PCDHA10: variants seen among roughly 807,000 people sequenced by gnomAD.
The protein encoded by PCDHA10 is protocadherin alpha-10.
A neutral mutation model predicts 61.2 loss-of-function variants in PCDHA10; 45 were observed. The observed-to-expected ratio is 0.74, with a 90% confidence interval of 0.58 to 0.94. The LOEUF is 0.94. Among genes scored for constraint, PCDHA10 ranks in the 40% least tolerant of loss-of-function variants. PCDHA10 has a pLI of 0.00. For missense variants in PCDHA10, 1,278 were observed against 1,236.2 expected (o/e 1.03, Z -0.51); for synonymous variants, 602 against 548.8 (o/e 1.10, Z -1.35).
At chr5:140,875,875 G>T in intron 1 of PCDHA10, 1 of 1,614,232 alleles carries the variant, frequency 6.2e-7, no homozygotes, top group South Asian at 1.1e-5. Flanking sequence ...GGTGTTCAGA[G>T]AAAGGGAACA....
At chr5:141,003,962 C>G (rs2098144287) in intron 3 of PCDHA10, among the ~76,000 whole-genome samples, 1 of 152,098 alleles carries the variant, frequency 6.6e-6, no homozygotes, top group Non-Finnish European at 1.5e-5. Context: ...ACCCTGGGAG[C>G]ATAAGGGAGG....
chr5:140,883,564 G>C, intron 1 of PCDHA10: 1 of 1,614,174 alleles, frequency 6.2e-7, no homozygotes, highest in Non-Finnish European at 8.5e-7. Context: ...ACGGGGGCTC[G>C]CCTTCGCTGT....
intron 1 of PCDHA10, among the ~76,000 whole-genome samples, chr5:140,887,340 CCT>C (rs1554183026): frequency 1.3e-5 from 2 of 152,144 alleles, no homozygotes; most frequent in African/African-American, 4.8e-5. Flanking sequence ...TCGTGATCCA[CCT>C]GGCTCGGCCT....
At chr5:140,921,071 T>C (rs2080004942) in intron 1 of PCDHA10, among the ~76,000 whole-genome samples, 1 of 152,054 alleles carries the variant, frequency 6.6e-6, no homozygotes, top group Admixed American at 6.6e-5. Flanking sequence ...CCTTGAACTC[T>C]TGGGCTCAAG....
At chr5:140,882,839 T>C (rs1554175751) in intron 1 of PCDHA10, 1 of 1,614,218 alleles carries the variant, frequency 6.2e-7, no homozygotes, top group South Asian at 1.1e-5. Flanking sequence ...GCAAATGTCT[T>C]CATTATCACT....
chr5:140,857,665 G>C lies in PCDHA10; in HGVS notation c.1617G>C (p.Gly539=). The C allele has an allele frequency of 6.3e-7, 1 of 1,596,910 alleles. No individual in the cohort carries two copies. Among genetic ancestry groups the C allele is most frequent in the East Asian group, 2.2e-5 (1 of 44,814 alleles). ...LLQFQVSARD[G]GVPPLGSNLT... is the part of the protein sequence containing the mutation. ...AGTTCCAGGTGAGCGCGCGCGATGG[G>C]GGCGTGCCGCCTCTGGGCAGCAACT... The change falls in exon 1 of 4, where the codon GGG becomes GGC. Residue 539 remains glycine (G), a synonymous_variant. Transcript: ENST00000307360.
At position 140,876,889 on chromosome 5, in the gene PCDHA10, C is replaced by G. The variant is rs1409299527; in HGVS notation, c.2388+18453C>G. On this transcript the variant is annotated intron_variant, in intron 1 of 3. Coordinates refer to ENST00000307360, the MANE Select transcript of PCDHA10 (RefSeq NM_018901.4). ...GAAGGAGAACAACCCGCCGGGCTGC[C>G]ACATCTTCACGGTGTCGGCATGGGA... 3.1e-6 allele frequency: 5 copies of G among 1,613,996 alleles called. No homozygotes were observed. In the African/African-American group the frequency reaches 6.7e-5, roughly 22 times the overall value.
chr5:140,967,747 A>G (rs782650276), intron 1 of PCDHA10: 36 of 1,614,042 alleles, frequency 2.2e-5, no homozygotes, highest in Non-Finnish European at 3.0e-5. Context: ...ATTATGAGGA[A>G]GCCTCCTCCT....
At chr5:140,991,843 T>G (rs2097475576) in intron 3 of PCDHA10, among the ~76,000 whole-genome samples, 1 of 152,194 alleles carries the variant, frequency 6.6e-6, no homozygotes, top group Admixed American at 6.6e-5. Context: ...GAACCGCACT[T>G]CCAGATACCA....
chr5:140,877,222 T>A lies in PCDHA10; in HGVS notation c.2388+18786T>A, dbSNP rs199811254. On this transcript the variant is annotated intron_variant, in intron 1 of 3. Coordinates refer to ENST00000307360, the MANE Select transcript of PCDHA10 (RefSeq NM_018901.4). ...CGCAGTTAGCGAGTTGGTACCGCGG[T>A]CGGTGGGTGCGGGCCACGTGGTGGC... The A allele has an allele frequency of 2.3e-4, 370 of 1,613,680 alleles. 1 individual carries two copies. The highest frequency in any genetic ancestry group is 3.0e-4 in the Admixed American group (18 of 59,992).
intron 1 of PCDHA10, among the ~76,000 whole-genome samples, chr5:140,910,282 T>C (rs557559116): frequency 1.3e-5 from 2 of 152,300 alleles, no homozygotes; most frequent in East Asian, 1.9e-4. Context: ...AGGAACACCA[T>C]GATTAATCAA....
At chr5:140,968,909 G>T in intron 1 of PCDHA10, 1 of 1,614,172 alleles carries the variant, frequency 6.2e-7, no homozygotes, top group East Asian at 2.2e-5. Flanking sequence ...ATTAAGCACA[G>T]TGTCTTTTAT....
At chr5:140,922,547 G>A (rs1269163353) in intron 1 of PCDHA10, among the ~76,000 whole-genome samples, 2 of 152,192 alleles carry the variant, frequency 1.3e-5, no homozygotes, top group Non-Finnish European at 2.9e-5. Context: ...GGCAAGGTAA[G>A]GAGAAAAGTC....
At chr5:140,945,000 G>T (rs980802301) in intron 1 of PCDHA10, among the ~76,000 whole-genome samples, 2 of 151,862 alleles carry the variant, frequency 1.3e-5, no homozygotes. Flanking sequence ...AACGGTTGTG[G>T]GTCATGAATT....
rs1383515995 is a variant in PCDHA10 at position 140,856,091 on chromosome 5, C to T, written c.43C>T (p.Leu15Phe). ...CSCLGVQCLL[L>F]SLLLLAAWEV... The stretch of plus-strand genomic sequence containing the variant: ...CTGCCTGGGGGTCCAGTGTCTGCTG[C>T]TCTCGCTTCTTCTCCTCGCAGCCTG... Residue 15 changes from leucine to phenylalanine, a missense_variant, in exon 1 of 4, where the codon CTC (leucine) becomes TTC (phenylalanine). By Grantham distance (22) the Leu-to-Phe change is conservative. Coordinates refer to ENST00000307360, the MANE Select transcript of PCDHA10 (RefSeq NM_018901.4). 13 of 1,597,006 alleles carry T rather than the reference C, an allele frequency of 8.1e-6. 1 individual carries two copies. The highest frequency in any genetic ancestry group is 1.3e-5 in the African/African-American group (1 of 74,304).
intron 1 of PCDHA10, chr5:140,875,175 T>G (rs1301346750): frequency 5.0e-6 from 2 of 399,086 alleles, no homozygotes; most frequent in African/African-American, 4.1e-5. Context: ...GTCGAAACAT[T>G]AGAATTAAGA....
Position 140,942,913 on chromosome 5 carries a change from GA to G in PCDHA10, c.2389-36026del, listed in dbSNP as rs58669311. Among the ~76,000 whole-genome samples the G allele has an allele frequency of 2.0e-3, 305 of 148,960 alleles. 3 individuals carry two copies. The highest frequency in any genetic ancestry group is 6.9e-3 in the African/African-American group (281 of 40,624). ...ATTTATCTCTAAGAATAAGCGTGAA[GA>G]AAAAAAAAATTGAAAAAGAGTTTAA... On this transcript the variant is annotated intron_variant, in intron 1 of 3. Coordinates refer to ENST00000307360, the MANE Select transcript of PCDHA10 (RefSeq NM_018901.4).
At chr5:140,909,288 A>G (rs1441603045) in intron 1 of PCDHA10, among the ~76,000 whole-genome samples, 2 of 152,234 alleles carry the variant, frequency 1.3e-5, no homozygotes, top group Non-Finnish European at 2.9e-5. Context: ...GGTGGGCCTT[A>G]TGGACAGGAA....
At chr5:141,006,951 T>TA (rs1428990680) in intron 3 of PCDHA10, among the ~76,000 whole-genome samples, 1 of 152,164 alleles carries the variant, frequency 6.6e-6, no homozygotes, top group Non-Finnish European at 1.5e-5. Context: ...GATAGGCAGT[T>TA]ATACATGAGA....
Sources: allele counts gnomAD v4.1 joint callset (sites outside exome capture counted in the v4.1 genomes callset), GRCh38; gene constraint gnomAD v4.1.1; transcripts MANE v1.5; gene names NCBI Gene and HGNC (gene_info 2026-07-23, HGNC 2026-07-21).